The following NEIL2 variants were observed in gnomAD, a reference collection of about 807,000 sequenced individuals.
The protein encoded by NEIL2 is nei like DNA glycosylase 2, also known as endonuclease 8-like 2.
NEIL2 carries 23 observed loss-of-function variants against 22.2 expected under a neutral mutation model. The ratio of observed to expected loss-of-function variants is 1.04; its 90% CI spans 0.75 to 1.47. The LOEUF is 1.47. Ranked by LOEUF, NEIL2 falls within the 40% of genes most tolerant of loss-of-function variation. NEIL2 has a pLI of 0.00. For missense variants in NEIL2, 583 were observed against 404.7 expected, an observed-to-expected ratio of 1.44 and a Z score of -3.78; for synonymous variants, 229 against 164.8, an observed-to-expected ratio of 1.39 and a Z score of -2.99.
intron 3 of NEIL2, among the ~76,000 whole-genome samples, chr8:11,781,295 G>T (rs1167343902): frequency 6.6e-6 from 1 of 152,116 alleles, no homozygotes; most frequent in Non-Finnish European, 1.5e-5. Context: ...GTGGGCTTTG[G>T]GGCTGCCGTT....
chr8:11,770,164 A>C lies in NEIL2; in HGVS notation c.-174A>C, dbSNP rs1366757922. 1 of 152,172 alleles carries C rather than the reference A, an allele frequency of 6.6e-6. No homozygotes were observed. Among genetic ancestry groups the C allele is most frequent in the Non-Finnish European group, 1.5e-5 (1 of 68,024 alleles). The allele number at this position is 152,172 out of a possible 1,614,324, so 9.4% of individuals were successfully genotyped here. A position where few individuals can be genotyped will look rare whatever the true frequency, so the allele number is the denominator to read the frequency against. On this transcript the variant is annotated 5_prime_UTR_variant, in exon 1 of 5. Transcript: ENST00000284503. ...CTCTTCGAAGTCCCTTCCGCGTCTC[A>C]TCTTTCAAGGCTGTTGCAGAGGCGG...
At chr8:11,783,541 T>C in intron 4 of NEIL2, 142 bp downstream of exon 4, 1 of 725,648 alleles carries the variant, frequency 1.4e-6, no homozygotes. Context: ...CTCCTTTCTT[T>C]TACTTCCCTT....
At chr8:11,777,055 C>T (rs1024362592) in intron 2 of NEIL2, among the ~76,000 whole-genome samples, 4 of 152,206 alleles carry the variant, frequency 2.6e-5, no homozygotes, top group Non-Finnish European at 5.9e-5. Flanking sequence ...GTCTCCTCTG[C>T]CCTCCACTCT....
chr8:11,780,376 A>G lies in NEIL2; in HGVS notation c.491+426A>G, dbSNP rs1170655873. ...ATGCAGATCTTAAGTATTCAGCTTG[A>G]TGAGTTTTTTTGCTTTGTTTTGAGA... is the stretch of plus-strand genomic sequence containing the variant. On this transcript the variant is annotated intron_variant, in intron 3 of 4. Coordinates refer to ENST00000284503, the MANE Select transcript of NEIL2 (RefSeq NM_145043.4). Among the ~76,000 whole-genome samples, 3 of 152,128 alleles carry G rather than the reference A, an allele frequency of 2.0e-5. No individual in the cohort carries two copies. In the East Asian group the frequency reaches 5.8e-4, roughly 29 times the overall value.
intron 1 of NEIL2, among the ~76,000 whole-genome samples, chr8:11,770,850 T>G (rs1803372824): frequency 6.6e-6 from 1 of 152,008 alleles, no homozygotes; most frequent in Non-Finnish European, 1.5e-5. Flanking sequence ...GGATCAGAGA[T>G]AACTGTCTGT....
chr8:11,780,708 A>T (rs1198863591), intron 3 of NEIL2, among the ~76,000 whole-genome samples: 1 of 152,164 alleles, frequency 6.6e-6, no homozygotes, highest in African/African-American at 2.4e-5. Flanking sequence ...ATGAATGTTG[A>T]GATCAACATT....
chr8:11,771,317 T>C, intron 1 of NEIL2, 129 bp from the exon 2 acceptor site: 1 of 1,136,470 alleles, frequency 8.8e-7, no homozygotes, highest in Admixed American at 1.8e-5. Context: ...CACTCCCTTT[T>C]TGGCCATGCT....
At chr8:11,781,348 C>T (rs1283677145) in intron 3 of NEIL2, among the ~76,000 whole-genome samples, 3 of 152,164 alleles carry the variant, frequency 2.0e-5, no homozygotes, top group African/African-American at 7.2e-5. Flanking sequence ...CCTGGCTTTG[C>T]ACTTTCCACG....
In NEIL2 at chr8:11,779,811, T is replaced by C. The variant is rs1377502293; in HGVS notation, c.352T>C (p.Leu118=). The C allele has an allele frequency of 6.2e-7, 1 of 1,613,988 alleles. No individual in the cohort carries two copies. Among genetic ancestry groups the C allele is most frequent in the Admixed American group, 1.7e-5 (1 of 60,018 alleles). Residue 118 remains leucine, a synonymous_variant, in exon 3 of 5, where the codon TTG becomes CTG. Coordinates refer to ENST00000284503, the MANE Select transcript of NEIL2 (RefSeq NM_145043.4). The part of the protein sequence containing the change: ...VPQGEDDSEY[L]ERDAPAGDAG... ...CCAGGGCGAGGATGATTCTGAGTATTTGGAGAGAGACGCCCCTGCAGGAGA... is the reference window on the plus strand; with the variant it reads ...CCAGGGCGAGGATGATTCTGAGTATCTGGAGAGAGACGCCCCTGCAGGAGA...
intron 2 of NEIL2, among the ~76,000 whole-genome samples, chr8:11,779,313 A>G (rs999679469): frequency 6.6e-6 from 1 of 152,204 alleles, no homozygotes; most frequent in African/African-American, 2.4e-5. Context: ...CTGCATGAAA[A>G]AATTGGGAGC....
chr8:11,773,052 C>G (rs1169769971), intron 2 of NEIL2, among the ~76,000 whole-genome samples: 1 of 152,170 alleles, frequency 6.6e-6, no homozygotes, highest in Admixed American at 6.5e-5. Flanking sequence ...TTAGCCCAAG[C>G]TCAGGTGGCT....
At position 11,779,821 on chromosome 8, in the gene NEIL2, A is replaced by G. The variant is rs891811489; in HGVS notation, c.362A>G (p.Asp121Gly). The change falls in exon 3 of 5, where the codon GAC (aspartate) becomes GGC (glycine). Residue 121 changes from aspartate (D) to glycine (G), a missense_variant. Transcript: ENST00000284503. ...GEDDSEYLER[D>G]APAGDAGRWL... is the part of the protein sequence containing the mutation. ...GATGATTCTGAGTATTTGGAGAGAG[A>G]CGCCCCTGCAGGAGATGCTGGGAGG... The G allele has an allele frequency of 6.2e-7, 1 of 1,613,958 alleles. No homozygotes were observed. Among genetic ancestry groups the G allele is most frequent in the Admixed American group, 1.7e-5 (1 of 60,000 alleles).
Position 11,786,270 on chromosome 8 carries a change from C to A in NEIL2, c.996C>A (p.Ser332=). ...LSEEPEQCQF[S] ...AGGAGCCAGAGCAGTGCCAGTTCTC[C>A]TAAGGAGCTGGTGGTGCTCCTCACG... Residue 332 remains serine (S), a synonymous_variant, in exon 5 of 5, where the codon TCC becomes TCA. Coordinates refer to ENST00000284503, the MANE Select transcript of NEIL2 (RefSeq NM_145043.4). 6.2e-7 allele frequency: 1 copy of A among 1,611,052 alleles called. No homozygotes were observed. The highest frequency in any genetic ancestry group is 8.5e-7 in the Non-Finnish European group (1 of 1,179,592).
intron 2 of NEIL2, among the ~76,000 whole-genome samples, chr8:11,777,887 G>C (rs1804049427): frequency 6.6e-6 from 1 of 152,240 alleles, no homozygotes; most frequent in Non-Finnish European, 1.5e-5. Context: ...GGAGGCCAGA[G>C]CTCTATGGCC....
At chr8:11,782,260 C>G (rs1804491040) in intron 3 of NEIL2, among the ~76,000 whole-genome samples, 1 of 151,830 alleles carries the variant, frequency 6.6e-6, no homozygotes, top group Admixed American at 6.6e-5. Flanking sequence ...CCCATCTCTA[C>G]TAAAAGTACA....
In NEIL2 at chr8:11,771,760, T is replaced by A. The variant is rs1357173614; in HGVS notation, c.138+175T>A. On this transcript the variant is annotated intron_variant, in intron 2 of 4. Coordinates refer to ENST00000284503, the MANE Select transcript of NEIL2 (RefSeq NM_145043.4). ...TCTCAGCCAGAAGTAGATATCGCTG[T>A]GGACTGTAGAACTGTAAAGAACACG... Among the ~76,000 whole-genome samples the A allele has an allele frequency of 2.0e-5, 3 of 152,282 alleles. 1 individual carries two copies. The Middle Eastern group carries it at 0.01, about 518-fold the overall frequency.
chr8:11,771,782 C>T (rs184994510), intron 2 of NEIL2, among the ~76,000 whole-genome samples, 197 bp downstream of exon 2: 1 of 152,152 alleles, frequency 6.6e-6, no homozygotes. Flanking sequence ...CTGTAAAGAA[C>T]ACGTGTGGAT....
intron 2 of NEIL2, among the ~76,000 whole-genome samples, chr8:11,771,859 C>T (rs1812565379): frequency 6.6e-6 from 1 of 152,160 alleles, no homozygotes; most frequent in African/African-American, 2.4e-5. Flanking sequence ...CTGATGGGCA[C>T]CTTTGGCTGG....
At chr8:11,779,275 A>G (rs1012669946) in intron 2 of NEIL2, among the ~76,000 whole-genome samples, 1 of 152,238 alleles carries the variant, frequency 6.6e-6, no homozygotes, top group African/African-American at 2.4e-5. Context: ...GAATGAAGGA[A>G]TGACAACTTA....
Sources: gnomAD v4.1 joint callset for allele counts (sites outside exome capture counted in the v4.1 genomes callset) on GRCh38, gnomAD v4.1.1 for gene constraint, MANE v1.5 for transcripts, NCBI Gene and HGNC (gene_info 2026-07-23, HGNC 2026-07-21) for gene names.